Variants in TPH1 observed in about 807,000 individuals in gnomAD.
The protein encoded by TPH1 is tryptophan hydroxylase 1.
A neutral mutation model predicts 49.5 loss-of-function variants in TPH1; 37 were observed. The ratio of observed to expected loss-of-function variants is 0.75; its 90% CI spans 0.58 to 0.98. TPH1 has a LOEUF of 0.98. Among genes scored for constraint, TPH1 ranks in the 50% least tolerant of loss-of-function variants. TPH1 has a pLI of 0.00. For synonymous variants in TPH1, 160 were observed against 182.1 expected, an observed-to-expected ratio of 0.88 and a Z score of 0.98; for missense variants, 487 against 523.6, an observed-to-expected ratio of 0.93 and a Z score of 0.68.
chr11:18,020,912 G>A lies in TPH1; in HGVS notation c.*79C>T, dbSNP rs1468784386. On this transcript the variant is annotated 3_prime_UTR_variant, in exon 11 of 11. Coordinates refer to ENST00000682019, the MANE Select transcript of TPH1 (RefSeq NM_004179.3). The stretch of plus-strand genomic sequence containing the variant: ...TGGCCAGAAGATGCTGTCCCTCCAG[G>A]ATCAGGTGTTCAAGGAAAGCAAGAG... 1.5e-6 allele frequency: 2 copies of A among 1,331,058 alleles called. No homozygotes were observed. Among genetic ancestry groups the A allele is most frequent in the African/African-American group, 1.4e-5 (1 of 69,462 alleles). 82.5% of individuals were successfully genotyped at this position (1,331,058 alleles called of 1,614,324 possible).
In TPH1 at chr11:18,040,797, T is replaced by C. The variant is rs376786822; in HGVS notation, c.-26-9A>G. The C allele has an allele frequency of 6.5e-5, 105 of 1,605,456 alleles. No homozygotes were observed. The Middle Eastern group carries it at 7.0e-4, about 11-fold the overall frequency. On this transcript the variant is annotated splice_polypyrimidine_tract_variant and intron_variant, in intron 1 of 10. Transcript: ENST00000682019. Reference sequence around the variant, plus strand: ...GGAGTAATTCTCTAAAACTAAAGTATGAAAACAAAGACTACGGGCTAAAAA... The same window carrying C: ...GGAGTAATTCTCTAAAACTAAAGTACGAAAACAAAGACTACGGGCTAAAAA...
Position 18,022,947 on chromosome 11 carries a change from T to A in TPH1, c.1027-16A>T. The A allele has an allele frequency of 6.2e-7, 1 of 1,612,440 alleles. No individual in the cohort carries two copies. The highest frequency in any genetic ancestry group is 8.5e-7 in the Non-Finnish European group (1 of 1,179,196). ...AAAGTGCATGCTAGAAGACAAAGAG[T>A]CAGTGAATCAAAGAATAATATCTAT... On this transcript the variant is annotated splice_polypyrimidine_tract_variant and intron_variant, in intron 9 of 10. Transcript: ENST00000682019.
chr11:18,019,494 G>T lies in TPH1; in HGVS notation c.*1497C>A, dbSNP rs879694021. 1 of 371,584 alleles carries T rather than the reference G, an allele frequency of 2.7e-6. No homozygotes were observed. Among genetic ancestry groups the T allele is most frequent in the Non-Finnish European group, 5.3e-6 (1 of 190,470 alleles). The allele number at this position is 371,584 out of a possible 1,614,324, so 23.0% of individuals were successfully genotyped here. ...GAACAACCCCTATTCATTCTATGTG[G>T]ATGATGCCACATGAAGTTGTACAGC... On this transcript the variant is annotated 3_prime_UTR_variant, in exon 11 of 11. Transcript: ENST00000682019.
chr11:18,020,994 G>T lies in TPH1; in HGVS notation c.1332C>A (p.Ile444=), dbSNP rs748822058. 1.9e-6 allele frequency: 3 copies of T among 1,613,916 alleles called. No homozygotes were observed. Among genetic ancestry groups the T allele is most frequent in the Non-Finnish European group, 2.5e-6 (3 of 1,179,894 alleles). ...ALAKVSRKPS[I] Reference sequence around the variant, plus strand: ...GTTCCTGGATGACTGGCTACTGTTAGATACTCGGCTTCCTGCTGACCTTAG... The same window carrying T: ...GTTCCTGGATGACTGGCTACTGTTATATACTCGGCTTCCTGCTGACCTTAG... Residue 444 remains isoleucine (I), a synonymous_variant, in exon 11 of 11, where the codon ATC becomes ATA. Transcript: ENST00000682019.
At chr11:18,027,573 TTC>T (rs1274697882) in intron 6 of TPH1, among the ~76,000 whole-genome samples, 4 of 152,338 alleles carry the variant, frequency 2.6e-5, no homozygotes, top group South Asian at 4.1e-4. Flanking sequence ...TGCTTGAACT[TTC>T]TGTTAGTTTT....
At chr11:18,037,267 A>C (rs1320662154) in intron 2 of TPH1, among the ~76,000 whole-genome samples, 1 of 151,480 alleles carries the variant, frequency 6.6e-6, no homozygotes, top group African/African-American at 2.4e-5. Flanking sequence ...CTGAGGTGGG[A>C]GGGTCACTTG....
intron 5 of TPH1, 69 bp downstream of exon 5, chr11:18,029,443 G>T: frequency 1.3e-6 from 2 of 1,554,506 alleles, no homozygotes; most frequent in Non-Finnish European, 1.8e-6. Flanking sequence ...CTTACCAAAT[G>T]AACACAATTT....
chr11:18,023,137 T>A (rs1310693827), intron 9 of TPH1: 1 of 548,358 alleles, frequency 1.8e-6, no homozygotes, highest in Non-Finnish European at 3.3e-6. Flanking sequence ...ACCCCCAAGA[T>A]CCTCTCCATG....
Position 18,020,911 on chromosome 11 carries a change from G to A in TPH1, c.*80C>T. On this transcript the variant is annotated 3_prime_UTR_variant, in exon 11 of 11. Coordinates refer to ENST00000682019, the MANE Select transcript of TPH1 (RefSeq NM_004179.3). ...TTGGCCAGAAGATGCTGTCCCTCCAGGATCAGGTGTTCAAGGAAAGCAAGA... is the reference window on the plus strand; with the variant it reads ...TTGGCCAGAAGATGCTGTCCCTCCAAGATCAGGTGTTCAAGGAAAGCAAGA... The A allele has an allele frequency of 7.6e-7, 1 of 1,324,196 alleles. No homozygotes were observed. The highest frequency in any genetic ancestry group is 1.1e-6 in the Non-Finnish European group (1 of 916,752). The allele number at this position is 1,324,196 out of a possible 1,614,324, so 82.0% of individuals were successfully genotyped here. A position where few individuals can be genotyped will look rare whatever the true frequency, so the allele number is the denominator to read the frequency against.
chr11:18,041,976 T>G (rs12098985), intron 1 of TPH1, among the ~76,000 whole-genome samples: 1,676 of 152,186 alleles, frequency 0.011, 29 homozygotes, highest in African/African-American at 0.039. Flanking sequence ...AAGGAGAAAA[T>G]GGAAGACAGA....
chr11:18,040,564 G>A (rs1237300316), intron 2 of TPH1, 82 bp downstream of exon 2: 1 of 1,346,502 alleles, frequency 7.4e-7, no homozygotes, highest in South Asian at 1.3e-5. Context: ...ATAGGGTCTT[G>A]CTATGTTGCC....
chr11:18,019,161 T>C lies in TPH1; in HGVS notation c.*1830A>G, dbSNP rs1854330403. On this transcript the variant is annotated 3_prime_UTR_variant, in exon 11 of 11. Coordinates refer to ENST00000682019, the MANE Select transcript of TPH1 (RefSeq NM_004179.3). Reference sequence around the variant, plus strand: ...ATGAATTATTCTTCAAAATTCTATTTCCTTATATAATATGACATGAAATAC... The same window carrying C: ...ATGAATTATTCTTCAAAATTCTATTCCCTTATATAATATGACATGAAATAC... The C allele has an allele frequency of 6.6e-6, 1 of 152,476 alleles. No individual in the cohort carries two copies. Among genetic ancestry groups the C allele is most frequent in the African/African-American group, 2.4e-5 (1 of 41,460 alleles). The allele number at this position is 152,476 out of a possible 1,614,324, so 9.4% of individuals were successfully genotyped here.
rs1854312416 is a variant in TPH1 at position 18,017,806 on chromosome 11, TTGTA to T, written c.*3181_*3184del. 6.6e-6 allele frequency: 1 copy of T among 152,242 alleles called. No individual in the cohort carries two copies. The highest frequency in any genetic ancestry group is 1.5e-5 in the Non-Finnish European group (1 of 68,034). The allele number at this position is 152,242 out of a possible 1,614,324, so 9.4% of individuals were successfully genotyped here. Reference sequence around the variant, plus strand: ...TTACATTTTGGTGTGTCATTACTACTTGTATAACTCCAAATGACAGAATATGTAG... The same window carrying T: ...TTACATTTTGGTGTGTCATTACTACTTAACTCCAAATGACAGAATATGTAG... On this transcript the variant is annotated 3_prime_UTR_variant, in exon 11 of 11. Transcript: ENST00000682019.
intron 1 of TPH1, among the ~76,000 whole-genome samples, chr11:18,042,029 G>T (rs1255454691): frequency 6.6e-5 from 10 of 152,138 alleles, no homozygotes; most frequent in Non-Finnish European, 2.9e-5. Context: ...GGGACACTGA[G>T]ATCCCAGCCA....
intron 4 of TPH1, among the ~76,000 whole-genome samples, chr11:18,030,563 CT>C (rs1847977562): frequency 6.6e-6 from 1 of 152,038 alleles, no homozygotes; most frequent in Non-Finnish European, 1.5e-5. Flanking sequence ...ATGATTTGTG[CT>C]AAAATCTGGA....
intron 6 of TPH1, among the ~76,000 whole-genome samples, chr11:18,027,394 G>A (rs940997026): frequency 6.6e-5 from 10 of 152,170 alleles, no homozygotes; most frequent in East Asian, 3.8e-4. Flanking sequence ...TGTGCTGTCC[G>A]GTAAGGCAAC....
chr11:18,032,161 C>T (rs1316883873), intron 4 of TPH1, among the ~76,000 whole-genome samples: 1 of 152,072 alleles, frequency 6.6e-6, no homozygotes, highest in Non-Finnish European at 1.5e-5. Context: ...TTCACAATTG[C>T]ACTCTCTTCT....
At chr11:18,043,641 CAA>C (rs1564860861) in intron 1 of TPH1, among the ~76,000 whole-genome samples, 1 of 151,904 alleles carries the variant, frequency 6.6e-6, no homozygotes, top group Non-Finnish European at 1.5e-5. Flanking sequence ...ACAACAACAA[CAA>C]AAACTATTAT....
chr11:18,045,360 G>A (rs1425563510), intron 1 of TPH1, among the ~76,000 whole-genome samples: 4 of 152,170 alleles, frequency 2.6e-5, no homozygotes, highest in African/African-American at 7.2e-5. Flanking sequence ...AATGGAAATA[G>A]AAGACACATC....
Sources: allele counts gnomAD v4.1 joint callset (sites outside exome capture counted in the v4.1 genomes callset), GRCh38; gene constraint gnomAD v4.1.1; transcripts MANE v1.5; gene names NCBI Gene and HGNC (gene_info 2026-07-23, HGNC 2026-07-21).